The following HS2ST1 variants were observed in gnomAD, a reference collection of about 807,000 sequenced individuals.
HS2ST1 encodes the protein 2-O-sulfotransferase.
Under a neutral mutation model 42.9 loss-of-function variants are expected in HS2ST1, and 18 were observed. That is an observed-to-expected ratio of 0.42 (90% CI 0.29 to 0.62). The LOEUF is 0.62. Among genes scored for constraint, HS2ST1 ranks in the 20% least tolerant of loss-of-function variants. The probability of loss-of-function intolerance (pLI) is 0.21; values close to 1 mark genes in which losing one functional copy is unlikely to be tolerated. For missense variants in HS2ST1, 334 were observed against 433.8 expected, an observed-to-expected ratio of 0.77 and a Z score of 2.04; for synonymous variants, 146 against 152.9, an observed-to-expected ratio of 0.95 and a Z score of 0.33.
intron 2 of HS2ST1, among the ~76,000 whole-genome samples, chr1:87,074,192 T>C (rs1651483624): frequency 6.6e-6 from 1 of 152,194 alleles, no homozygotes; most frequent in Non-Finnish European, 1.5e-5. Context: ...GGAGTACTCT[T>C]TTTTGTAGAA....
chr1:87,091,152 A>G (rs1310455997), intron 3 of HS2ST1, among the ~76,000 whole-genome samples: 1 of 152,020 alleles, frequency 6.6e-6, no homozygotes, highest in Non-Finnish European at 1.5e-5. Context: ...CTGTATTCCT[A>G]GTACCTAGAA....
At chr1:86,921,888 T>G (rs1660307619) in intron 1 of HS2ST1, among the ~76,000 whole-genome samples, 1 of 152,244 alleles carries the variant, frequency 6.6e-6, no homozygotes, top group Non-Finnish European at 1.5e-5. Flanking sequence ...TTTCCCATCC[T>G]GTTAATATTA....
intron 1 of HS2ST1, among the ~76,000 whole-genome samples, chr1:86,916,464 G>T (rs975694132): frequency 6.6e-6 from 1 of 152,128 alleles, no homozygotes; most frequent in Non-Finnish European, 1.5e-5. Flanking sequence ...ACAAGGCTTT[G>T]CAAAAGCCTT....
intron 2 of HS2ST1, among the ~76,000 whole-genome samples, chr1:87,082,184 TC>T (rs1331240951): frequency 2.0e-5 from 3 of 152,168 alleles, no homozygotes; most frequent in Non-Finnish European, 4.4e-5. Context: ...GTAGACATTA[TC>T]CAGCTTCCTG....
At chr1:86,963,723 A>T (rs1647928862) in intron 1 of HS2ST1, among the ~76,000 whole-genome samples, 2 of 145,130 alleles carry the variant, frequency 1.4e-5, no homozygotes, top group South Asian at 4.5e-4. Flanking sequence ...CACTTCCCAG[A>T]AGGGGCGGCC....
At chr1:87,032,184 G>C (rs925982457) in intron 1 of HS2ST1, among the ~76,000 whole-genome samples, 2 of 152,142 alleles carry the variant, frequency 1.3e-5, no homozygotes, top group African/African-American at 4.8e-5. Flanking sequence ...ATATGGAAAG[G>C]ATTGTTTATG....
chr1:87,011,330 T>C (rs1016507357), intron 1 of HS2ST1, among the ~76,000 whole-genome samples: 2 of 152,134 alleles, frequency 1.3e-5, no homozygotes, highest in African/African-American at 4.8e-5. Flanking sequence ...CACTGCAGCC[T>C]TGAACTCTTG....
intron 1 of HS2ST1, 53 bp downstream of exon 1, chr1:86,915,213 G>A: frequency 1.9e-6 from 3 of 1,553,554 alleles, no homozygotes. Context: ...CCGAGGAGGC[G>A]CTGCCGCCGG....
At position 87,103,457 on chromosome 1, in the gene HS2ST1, G is replaced by T; in HGVS notation, c.712G>T (p.Asp238Tyr). The change falls in exon 6 of 7, where the codon GAT (aspartate) becomes TAT (tyrosine). Residue 238 changes from aspartate to tyrosine, a missense_variant. Coordinates refer to ENST00000370550, the MANE Select transcript of HS2ST1 (RefSeq NM_012262.4). ...GAATGTGGGAAGCAGGTGGGCTATG[G>T]ATCAAGCCAAGTATAACCTAATTAA... ...CWNVGSRWAM[D>Y]QAKYNLINEY... The T allele has an allele frequency of 3.1e-6, 5 of 1,607,282 alleles. No individual in the cohort carries two copies. The highest frequency in any genetic ancestry group is 4.2e-6 in the Non-Finnish European group (5 of 1,177,998).
chr1:87,096,066 G>T (rs540248944), intron 4 of HS2ST1, among the ~76,000 whole-genome samples: 1 of 145,892 alleles, frequency 6.9e-6, no homozygotes, highest in Non-Finnish European at 1.5e-5. Flanking sequence ...AATTCAATTT[G>T]TTCGAAATGT....
chr1:86,965,667 A>G (rs1358635235), intron 1 of HS2ST1, among the ~76,000 whole-genome samples: 1 of 151,908 alleles, frequency 6.6e-6, no homozygotes, highest in African/African-American at 2.4e-5. Flanking sequence ...TAGGGGATTA[A>G]AATCTCTAGC....
intron 1 of HS2ST1, among the ~76,000 whole-genome samples, chr1:86,958,764 C>A (rs1402386547): frequency 6.6e-6 from 1 of 152,084 alleles, no homozygotes; most frequent in African/African-American, 2.4e-5. Context: ...GTACCTAATA[C>A]CGAAGACCAT....
At chr1:87,045,631 A>G (rs986311061) in intron 1 of HS2ST1, 1 of 776,248 alleles carries the variant, frequency 1.3e-6, no homozygotes, top group Admixed American at 1.7e-5. Context: ...ATTTTTCCTG[A>G]TAAGATCTTC....
At chr1:87,065,470 A>AT (rs371998623) in intron 1 of HS2ST1, among the ~76,000 whole-genome samples, 55 of 151,856 alleles carry the variant, frequency 3.6e-4, no homozygotes, top group African/African-American at 1.3e-3. Context: ...CGAGTAACCT[A>AT]TTTTTTCTGC....
At chr1:87,090,279 T>C (rs1651908194) in intron 3 of HS2ST1, among the ~76,000 whole-genome samples, 1 of 152,024 alleles carries the variant, frequency 6.6e-6, no homozygotes, top group Non-Finnish European at 1.5e-5. Context: ...GATAAAGCCA[T>C]GAACAAGAGA....
chr1:87,035,631 C>T (rs986940683), intron 1 of HS2ST1, among the ~76,000 whole-genome samples: 2 of 152,144 alleles, frequency 1.3e-5, no homozygotes, highest in Non-Finnish European at 2.9e-5. Context: ...TTGATATAGA[C>T]ATCTTCTGTA....
chr1:86,981,041 A>G (rs750417102), intron 1 of HS2ST1, among the ~76,000 whole-genome samples: 4 of 152,168 alleles, frequency 2.6e-5, no homozygotes, highest in Non-Finnish European at 5.9e-5. Flanking sequence ...GAAACTTACA[A>G]TCATGGTGGA....
intron 1 of HS2ST1, among the ~76,000 whole-genome samples, chr1:86,977,266 A>G (rs962418560): frequency 3.3e-5 from 5 of 152,216 alleles, no homozygotes; most frequent in African/African-American, 1.2e-4. Flanking sequence ...GACAATGTAT[A>G]CACTAGTAGT....
chr1:86,969,756 TAA>T (rs138700753), intron 1 of HS2ST1, among the ~76,000 whole-genome samples: 3,625 of 151,424 alleles, frequency 0.024, 47 homozygotes, highest in South Asian at 0.055. Context: ...ATATCTTAAT[TAA>T]GAGTTGGCTT....
Sources: gnomAD v4.1 joint callset for allele counts (sites outside exome capture counted in the v4.1 genomes callset) on GRCh38, gnomAD v4.1.1 for gene constraint, MANE v1.5 for transcripts, NCBI Gene and HGNC (gene_info 2026-07-23, HGNC 2026-07-21) for gene names.